PRIMA1: variants seen among roughly 807,000 people sequenced by gnomAD.
PRIMA1 encodes proline-rich membrane anchor 1.
Under a neutral mutation model 17.5 loss-of-function variants are expected in PRIMA1, and 7 were observed. That is an observed-to-expected ratio of 0.40 (90% CI 0.23 to 0.75). The LOEUF (loss-of-function observed/expected upper bound fraction) is 0.75, where lower values mean the gene tolerates loss of function less well. Ranked by LOEUF, PRIMA1 falls within the 30% of genes least tolerant of loss-of-function variation. The probability of loss-of-function intolerance (pLI) is 0.37; values close to 1 mark genes in which losing one functional copy is unlikely to be tolerated. For synonymous variants in PRIMA1, 97 were observed against 77.9 expected (o/e 1.25, Z -1.29); for missense variants, 200 against 201.8 (o/e 0.99, Z 0.05).
intron 4 of PRIMA1, among the ~76,000 whole-genome samples, chr14:93,731,092 A>T (rs183751828): frequency 6.6e-6 from 1 of 152,312 alleles, no homozygotes; most frequent in East Asian, 1.9e-4. Context: ...AGGAAAGGAA[A>T]CAGCATAGTA....
At position 93,732,195 on chromosome 14, in the gene PRIMA1, G is replaced by A. The variant is rs563455465; in HGVS notation, c.359+5046C>T. Among the ~76,000 whole-genome samples, 9 of 152,312 alleles carry A rather than the reference G, an allele frequency of 5.9e-5. 1 individual carries two copies. The South Asian group carries it at 1.9e-3, about 32-fold the overall frequency. ...GTGTTCATCCTGTGCCAGCATGGGCGTGTCTCCGTGCAGGGGGTGGGCATC... is the reference window on the plus strand; with the variant it reads ...GTGTTCATCCTGTGCCAGCATGGGCATGTCTCCGTGCAGGGGGTGGGCATC... On this transcript the variant is annotated intron_variant, in intron 4 of 4. Transcript: ENST00000393140.
At chr14:93,756,703 G>T (rs1028132888) in intron 3 of PRIMA1, among the ~76,000 whole-genome samples, 18 of 152,066 alleles carry the variant, frequency 1.2e-4, no homozygotes, top group South Asian at 4.2e-4. Flanking sequence ...TCTCCACTGG[G>T]GTGGTCCACA....
chr14:93,763,920 C>T (rs1215752577), intron 3 of PRIMA1, among the ~76,000 whole-genome samples: 1 of 152,146 alleles, frequency 6.6e-6, no homozygotes, highest in Non-Finnish European at 1.5e-5. Flanking sequence ...GCCAATGCCT[C>T]CTCTGCTGTC....
Position 93,726,033 on chromosome 14 carries a change from G to A in PRIMA1, c.360-4487C>T, listed in dbSNP as rs1225675072. 2.6e-5 allele frequency: 12 copies of A among 456,626 alleles called. No individual in the cohort carries two copies. In the Admixed American group the frequency reaches 2.8e-4, roughly 11 times the overall value. The allele number at this position is 456,626 out of a possible 1,614,324, so 28.3% of individuals were successfully genotyped here. ...TAGAAACCAAGAGAGAGGTTAGTGA[G>A]ACTTTCCTTGGCGGCACCCAGGATT... On this transcript the variant is annotated intron_variant, in intron 4 of 4. Transcript: ENST00000393140. This position sits in a 1 kb window ranked among gnomAD's most constrained non-coding sequence, Gnocchi z 4.2.
chr14:93,787,521 C>A (rs1014820581), intron 2 of PRIMA1, 105 bp downstream of exon 2: 1 of 1,481,402 alleles, frequency 6.8e-7, no homozygotes. Flanking sequence ...TTCCGAGAAC[C>A]AATCAGTGGG....
chr14:93,745,726 C>A (rs1466933519), intron 3 of PRIMA1, among the ~76,000 whole-genome samples: 1 of 152,258 alleles, frequency 6.6e-6, no homozygotes, highest in Non-Finnish European at 1.5e-5. Flanking sequence ...GTTGTCCCAT[C>A]CCCCTGCCAG....
rs768634026 is a variant in PRIMA1 at position 93,737,224 on chromosome 14, A to C, written c.359+17T>G. 1.2e-6 allele frequency: 2 copies of C among 1,613,514 alleles called. No individual in the cohort carries two copies. Among genetic ancestry groups the C allele is most frequent in the Non-Finnish European group, 8.5e-7 (1 of 1,179,536 alleles). Reference sequence around the variant, plus strand: ...TTCCCTTCGGCTTGAAGCTGGGTGCAGTGAGTGAGCACTCACCTTTTTATG... The same window carrying C: ...TTCCCTTCGGCTTGAAGCTGGGTGCCGTGAGTGAGCACTCACCTTTTTATG... On this transcript the variant is annotated intron_variant, in intron 4 of 4. Transcript: ENST00000393140.
rs868028694 is a variant in PRIMA1, at chr14:93,758,635, T to C, written c.229+20541A>G. ...AAAGAAAAAGAAAAAGAAAAAGAAA[T>C]AATCGACATTCAAAAGCAAAGAGTA... On this transcript the variant is annotated intron_variant, in intron 3 of 4. Transcript: ENST00000393140. 2.3e-3 allele frequency among the ~76,000 whole-genome samples: 318 copies of C among 138,936 alleles called. 3 individuals carry two copies. Among genetic ancestry groups the C allele is most frequent in the Middle Eastern group, 0.015 (4 of 260 alleles). The allele number at this position is 138,936 out of a possible 152,430, so 91.1% of individuals were successfully genotyped here. A position where few individuals can be genotyped will look rare whatever the true frequency, so the allele number is the denominator to read the frequency against.
At chr14:93,765,397 T>C (rs1402478404) in intron 3 of PRIMA1, among the ~76,000 whole-genome samples, 1 of 150,500 alleles carries the variant, frequency 6.6e-6, no homozygotes, top group Admixed American at 6.7e-5. Flanking sequence ...AGACACTTAA[T>C]AGGTTAGACT....
At position 93,779,874 on chromosome 14, in the gene PRIMA1, C is replaced by A. The variant is rs114043334; in HGVS notation, c.94-563G>T. On this transcript the variant is annotated intron_variant, in intron 2 of 4. Transcript: ENST00000393140. Reference sequence around the variant, plus strand: ...CCTCTACTCCTGTGTCCCACGTGACCAAAGGGAGCAGAGCAACCTGCTTGA... The same window carrying A: ...CCTCTACTCCTGTGTCCCACGTGACAAAAGGGAGCAGAGCAACCTGCTTGA... Among the ~76,000 whole-genome samples, 1,505 of 152,318 alleles carry A rather than the reference C, an allele frequency of 9.9e-3. 21 individuals carry two copies. The highest frequency in any genetic ancestry group is 0.03 in the African/African-American group (1,228 of 41,568).
chr14:93,747,955 G>A (rs1236876786), intron 3 of PRIMA1, among the ~76,000 whole-genome samples: 1 of 149,382 alleles, frequency 6.7e-6, no homozygotes, highest in Non-Finnish European at 1.5e-5. Flanking sequence ...GTGTATGAGT[G>A]TGTGTGTATA....
intron 3 of PRIMA1, among the ~76,000 whole-genome samples, chr14:93,740,925 TTC>T (rs1345462270): frequency 6.6e-6 from 1 of 152,232 alleles, no homozygotes; most frequent in Admixed American, 6.5e-5. Context: ...CTTCTTTACA[TTC>T]TCTGTTAGTT....
At chr14:93,730,011 G>A (rs772725126) in intron 4 of PRIMA1, among the ~76,000 whole-genome samples, 1 of 152,060 alleles carries the variant, frequency 6.6e-6, no homozygotes, top group Non-Finnish European at 1.5e-5. Flanking sequence ...AAAAGCAGAC[G>A]ATTTCACTCA....
intron 4 of PRIMA1, among the ~76,000 whole-genome samples, chr14:93,730,858 C>T (rs964609812): frequency 7.9e-5 from 12 of 152,016 alleles, no homozygotes; most frequent in Admixed American, 2.6e-4. Flanking sequence ...AGATGAAAGA[C>T]TGGAGTTGGA....
At chr14:93,785,144 T>G (rs1184546575) in intron 2 of PRIMA1, among the ~76,000 whole-genome samples, 1 of 141,970 alleles carries the variant, frequency 7.0e-6, no homozygotes, top group African/African-American at 2.6e-5. Context: ...GACATACTCC[T>G]GTCACACCTA....
intron 4 of PRIMA1, among the ~76,000 whole-genome samples, chr14:93,733,414 T>C (rs2076128226): frequency 6.6e-6 from 1 of 152,182 alleles, no homozygotes; most frequent in Admixed American, 6.5e-5. Context: ...AGCCAGGCCT[T>C]GGACACAGAT....
At chr14:93,740,872 T>C (rs1477668399) in intron 3 of PRIMA1, among the ~76,000 whole-genome samples, 2 of 152,254 alleles carry the variant, frequency 1.3e-5, no homozygotes, top group African/African-American at 2.4e-5. Context: ...TGATTGATTA[T>C]AAGCCTCATA....
chr14:93,771,082 G>A (rs1240236294), intron 3 of PRIMA1, among the ~76,000 whole-genome samples: 1 of 152,124 alleles, frequency 6.6e-6, no homozygotes, highest in South Asian at 2.1e-4. Context: ...ATGTATGTGT[G>A]TACATGTGCG....
chr14:93,725,508 C>T (rs551139277), intron 4 of PRIMA1, among the ~76,000 whole-genome samples: 18 of 152,130 alleles, frequency 1.2e-4, no homozygotes, highest in South Asian at 4.1e-4. Context: ...GGTGACGCTG[C>T]GGAAGTGCTA....
Sources: gnomAD v4.1 joint callset for allele counts (sites outside exome capture counted in the v4.1 genomes callset) on GRCh38, gnomAD v4.1.1 for gene constraint, Gnocchi (gnomAD v3.1) non-coding constraint, MANE v1.5 for transcripts, NCBI Gene and HGNC (gene_info 2026-07-23, HGNC 2026-07-21) for gene names.